Variants in FLYWCH2 observed in about 807,000 individuals in gnomAD.
FLYWCH2 encodes the protein FLYWCH family member 2.
FLYWCH2 carries 2 observed loss-of-function variants against 6.0 expected under a neutral mutation model. That is an observed-to-expected ratio of 0.33 (90% CI 0.14 to 1.04). FLYWCH2 has a LOEUF of 1.04. FLYWCH2 is among the 50% of genes least tolerant of loss of function. The pLI is 0.45. For synonymous variants in FLYWCH2, 87 were observed against 79.3 expected, an observed-to-expected ratio of 1.10 and a Z score of -0.52; for missense variants, 192 against 183.4, an observed-to-expected ratio of 1.05 and a Z score of -0.27.
intron 2 of FLYWCH2, among the ~76,000 whole-genome samples, 187 bp downstream of exon 2, chr16:2,895,507 G>A (rs1219668847): frequency 6.6e-6 from 1 of 152,222 alleles, no homozygotes; most frequent in Admixed American, 6.5e-5. Flanking sequence ...CCAGCTACTC[G>A]GAGAGGTTGA....
intron 1 of FLYWCH2, among the ~76,000 whole-genome samples, chr16:2,894,677 G>A (rs1439095713): frequency 1.3e-5 from 2 of 152,212 alleles, no homozygotes; most frequent in African/African-American, 2.4e-5. Flanking sequence ...GCCGCCTGGC[G>A]CATTTCTTCA....
chr16:2,891,919 C>T (rs1415975781), intron 1 of FLYWCH2, among the ~76,000 whole-genome samples: 1 of 151,262 alleles, frequency 6.6e-6, no homozygotes, highest in African/African-American at 2.4e-5. Flanking sequence ...ATGCCAGGCA[C>T]GGTGGCTCAT....
At chr16:2,892,975 ATAT>A (rs1467356097) in intron 1 of FLYWCH2, among the ~76,000 whole-genome samples, 1 of 140,976 alleles carries the variant, frequency 7.1e-6, no homozygotes, top group Non-Finnish European at 1.5e-5. Flanking sequence ...TATATAATAT[ATAT>A]TATATATGTC....
At chr16:2,891,393 A>C (rs2015260) in intron 1 of FLYWCH2, among the ~76,000 whole-genome samples, 1 of 151,652 alleles carries the variant, frequency 6.6e-6, no homozygotes, top group Non-Finnish European at 1.5e-5. Flanking sequence ...CTCTCTCTCT[A>C]TTTTATTTTT....
chr16:2,897,230 G>A (rs1237560771), intron 3 of FLYWCH2, among the ~76,000 whole-genome samples: 1 of 152,144 alleles, frequency 6.6e-6, no homozygotes, highest in African/African-American at 2.4e-5. Context: ...TGCAGGCTGG[G>A]CTCTGGAGAC....
intron 1 of FLYWCH2, among the ~76,000 whole-genome samples, chr16:2,886,302 T>C (rs1304511934): frequency 6.6e-6 from 1 of 152,018 alleles, no homozygotes; most frequent in African/African-American, 2.4e-5. Flanking sequence ...GCAATTCTCA[T>C]GCTGCGCAGC....
Position 2,892,093 on chromosome 16 carries a change from G to T in FLYWCH2, c.-199-3127G>T, listed in dbSNP as rs552646247. ...TGTAATCCCAGCTACTCGGGAGGCT[G>T]AGGCAGGAGAATTGCTTGAACCTGG... On this transcript the variant is annotated intron_variant, in intron 1 of 3. Transcript: ENST00000396958. 1.6e-4 allele frequency among the ~76,000 whole-genome samples: 24 copies of T among 152,174 alleles called. No homozygotes were observed. In the South Asian group the frequency reaches 4.8e-3, roughly 30 times the overall value.
intron 2 of FLYWCH2, among the ~76,000 whole-genome samples, chr16:2,895,711 G>C (rs111870432): frequency 0.03 from 4,553 of 152,366 alleles, 213 homozygotes; most frequent in African/African-American, 0.1. Flanking sequence ...GCCAGGGCCA[G>C]CTGCAGTGCT....
In FLYWCH2 at chr16:2,896,685, CCCT is replaced by C; in HGVS notation, c.242_244del (p.Leu81del). 1.9e-6 allele frequency: 3 copies of C among 1,613,080 alleles called. No individual in the cohort carries two copies. Among genetic ancestry groups the C allele is most frequent in the African/African-American group, 1.3e-5 (1 of 75,056 alleles). On this transcript the variant is annotated inframe_deletion, in exon 3 of 4. Coordinates refer to ENST00000396958, the MANE Select transcript of FLYWCH2 (RefSeq NM_138439.3). ...CCCGGCCCCGCCACCCTTGCCAAGG[CCCT>C]CCTCCAGACCCACCCCGAGGCCCAG...
rs747486710 is a variant in FLYWCH2 at position 2,896,523 on chromosome 16, G to A, written c.74G>A (p.Gly25Asp). ...AGCCAGGAGCCATCCCCCAAGCCAG[G>A]CACAGAAGTCATCCCGGCAGCCCCC... ...KASQEPSPKPGTEVIPAAPRK... is the reference protein window; with the variant it reads ...KASQEPSPKPDTEVIPAAPRK... The change falls in exon 3 of 4, where the codon GGC becomes GAC. Residue 25 changes from glycine to aspartate, a missense_variant. By Grantham distance (94) the Gly-to-Asp change is moderately conservative. Coordinates refer to ENST00000396958, the MANE Select transcript of FLYWCH2 (RefSeq NM_138439.3). The A allele has an allele frequency of 1.2e-6, 2 of 1,614,006 alleles. No homozygotes were observed. The highest frequency in any genetic ancestry group is 1.7e-6 in the Non-Finnish European group (2 of 1,180,016).
chr16:2,884,834 A>G (rs2069680665), intron 1 of FLYWCH2, among the ~76,000 whole-genome samples: 1 of 151,626 alleles, frequency 6.6e-6, no homozygotes, highest in African/African-American at 2.4e-5. Context: ...AGGTCGCGCC[A>G]CTGCACTCCA....
chr16:2,892,528 T>G (rs2069769963), intron 1 of FLYWCH2, among the ~76,000 whole-genome samples: 1 of 147,076 alleles, frequency 6.8e-6, no homozygotes, highest in African/African-American at 2.5e-5. Flanking sequence ...ACATTTACCA[T>G]TTTATTATAA....
chr16:2,886,206 A>G (rs2069696606), intron 1 of FLYWCH2, among the ~76,000 whole-genome samples: 1 of 151,110 alleles, frequency 6.6e-6, no homozygotes, highest in Non-Finnish European at 1.5e-5. Context: ...TTTTAGACGG[A>G]GTACCACTTT....
rs2069830169 is a variant in FLYWCH2, at chr16:2,896,952, A to G, written c.322+181A>G. On this transcript the variant is annotated intron_variant, in intron 3 of 3. Coordinates refer to ENST00000396958, the MANE Select transcript of FLYWCH2 (RefSeq NM_138439.3). ...CAGGCCTGGGCATCCGCCGACCTCC[A>G]ACCCTGCCTCTGAGCGGCCTTGCCT... 3 of 640,886 alleles carry G rather than the reference A, an allele frequency of 4.7e-6. No individual in the cohort carries two copies. In the African/African-American group the frequency reaches 5.5e-5, roughly 12 times the overall value. 39.7% of individuals were successfully genotyped at this position (640,886 alleles called of 1,614,324 possible). A position where few individuals can be genotyped will look rare whatever the true frequency, so the allele number is the denominator to read the frequency against.
chr16:2,889,709 G>C (rs2069735104), intron 1 of FLYWCH2, among the ~76,000 whole-genome samples: 1 of 152,200 alleles, frequency 6.6e-6, no homozygotes, highest in East Asian at 1.9e-4. Flanking sequence ...AAAAGTCCGA[G>C]AGGCAGTACA....
intron 1 of FLYWCH2, among the ~76,000 whole-genome samples, chr16:2,887,108 G>T (rs984135521): frequency 1.3e-5 from 2 of 151,856 alleles, no homozygotes; most frequent in Non-Finnish European, 2.9e-5. Flanking sequence ...TTAAAAAAAA[G>T]TTTTATTACT....
intron 2 of FLYWCH2, among the ~76,000 whole-genome samples, chr16:2,895,845 T>A (rs958548549): frequency 1.3e-5 from 2 of 152,224 alleles, no homozygotes; most frequent in African/African-American, 4.8e-5. Context: ...TCTGTTAACA[T>A]GGACAAAGTA....
chr16:2,890,238 T>G (rs368467111), intron 1 of FLYWCH2, among the ~76,000 whole-genome samples: 4,100 of 128,006 alleles, frequency 0.032, 156 homozygotes, highest in African/African-American at 0.11. Flanking sequence ...GTTTTTTTTT[T>G]TTTGTTTTTG....
intron 1 of FLYWCH2, among the ~76,000 whole-genome samples, chr16:2,884,647 G>A (rs1415135761): frequency 6.6e-6 from 1 of 151,604 alleles, no homozygotes; most frequent in African/African-American, 2.4e-5. Context: ...GGCCAAGGAG[G>A]GTGGATCACC....
Sources: gnomAD v4.1 joint callset for allele counts (sites outside exome capture counted in the v4.1 genomes callset) on GRCh38, gnomAD v4.1.1 for gene constraint, MANE v1.5 for transcripts, NCBI Gene and HGNC (gene_info 2026-07-23, HGNC 2026-07-21) for gene names.